The following CACNB2 variants were observed in gnomAD, a reference collection of about 807,000 sequenced individuals.
The protein encoded by CACNB2 is calcium voltage-gated channel auxiliary subunit beta 2.
Under a neutral mutation model 73.3 loss-of-function variants are expected in CACNB2, and 42 were observed. That is an observed-to-expected ratio of 0.57 (90% confidence interval 0.45 to 0.74). The LOEUF (loss-of-function observed/expected upper bound fraction) is 0.74. Among genes scored for constraint, CACNB2 ranks in the 30% least tolerant of loss-of-function variants. The pLI is 0.00. For synonymous variants in CACNB2, 348 were observed against 310.3 expected (o/e 1.12, Z -1.28); for missense variants, 940 against 853.0 (o/e 1.10, Z -1.27).
Position 18,539,884 on chromosome 10 carries a change from G to GAGTATTGA in CACNB2, c.*161_*168dup. On this transcript the variant is annotated 3_prime_UTR_variant, in exon 14 of 14. Transcript: ENST00000324631. ...TGCTTGAATAGCAATAGCATGGATA[G>GAGTATTGA]AGTATTGAGATACTTTTTCTTTTGT... is the stretch of plus-strand genomic sequence containing the variant. 2 of 776,752 alleles carry GAGTATTGA rather than the reference G, an allele frequency of 2.6e-6. No individual in the cohort carries two copies. Among genetic ancestry groups the GAGTATTGA allele is most frequent in the East Asian group, 5.4e-5 (2 of 36,776 alleles). 48.1% of individuals were successfully genotyped at this position (776,752 alleles called of 1,614,324 possible).
chr10:18,247,815 ACC>A (rs2036927666), intron 2 of CACNB2, among the ~76,000 whole-genome samples: 1 of 152,088 alleles, frequency 6.6e-6, no homozygotes, highest in Admixed American at 6.5e-5. Flanking sequence ...TGTGAGGACC[ACC>A]TTTTCTGGGG....
Position 18,191,088 on chromosome 10 carries a change from A to G in CACNB2, c.213+40113A>G, listed in dbSNP as rs182542693. On this transcript the variant is annotated intron_variant, in intron 2 of 13. Transcript: ENST00000324631. ...GATGACGTCAGGAACTGGGAGAGTG[A>G]AAATGGAGGAGAAGGAAAATAAATG... 3.9e-5 allele frequency among the ~76,000 whole-genome samples: 6 copies of G among 152,352 alleles called. No homozygotes were observed. In the East Asian group the frequency reaches 7.7e-4, roughly 20 times the overall value.
At chr10:18,249,343 A>G (rs554042605) in intron 2 of CACNB2, among the ~76,000 whole-genome samples, 145 of 152,196 alleles carry the variant, frequency 9.5e-4, no homozygotes, top group Non-Finnish European at 1.8e-3. Context: ...TCTCTGTTGA[A>G]GTGTCTTTTG....
At chr10:18,181,204 C>A (rs371166725) in intron 2 of CACNB2, among the ~76,000 whole-genome samples, 1 of 152,110 alleles carries the variant, frequency 6.6e-6, no homozygotes, top group Non-Finnish European at 1.5e-5. Flanking sequence ...TACATGCAAG[C>A]ACTGGAATGA....
At chr10:18,345,173 T>A (rs1006018552) in intron 2 of CACNB2, among the ~76,000 whole-genome samples, 5 of 152,254 alleles carry the variant, frequency 3.3e-5, no homozygotes, top group African/African-American at 1.2e-4. Flanking sequence ...TTATTTGAGA[T>A]AAATTATCAG....
intron 3 of CACNB2, among the ~76,000 whole-genome samples, chr10:18,474,671 C>T (rs75254867): frequency 0.011 from 1,610 of 152,202 alleles, 9 homozygotes; most frequent in Admixed American, 0.014. Flanking sequence ...TGTTGGCTTC[C>T]TTAGCTCCGT....
chr10:18,462,566 T>G (rs898491795), intron 3 of CACNB2, among the ~76,000 whole-genome samples: 54 of 152,306 alleles, frequency 3.5e-4, no homozygotes, highest in African/African-American at 1.1e-3. Flanking sequence ...AGGAACTATT[T>G]ATTAAGCAAA....
At chr10:18,340,437 T>G (rs745669585) in intron 2 of CACNB2, among the ~76,000 whole-genome samples, 77 of 152,156 alleles carry the variant, frequency 5.1e-4, no homozygotes, top group Non-Finnish European at 8.8e-5. Context: ...TATTTTTACT[T>G]TTATTGCAGA....
At chr10:18,315,281 C>T (rs900535851) in intron 2 of CACNB2, among the ~76,000 whole-genome samples, 4 of 151,716 alleles carry the variant, frequency 2.6e-5, no homozygotes, top group African/African-American at 9.7e-5. Flanking sequence ...TTGCAGTGAG[C>T]CAAGATCACA....
At chr10:18,489,057 T>A (rs1202079145) in intron 3 of CACNB2, among the ~76,000 whole-genome samples, 1 of 151,962 alleles carries the variant, frequency 6.6e-6, no homozygotes, top group Non-Finnish European at 1.5e-5. Context: ...CTCACACTTA[T>A]AATCCCAGCA....
intron 2 of CACNB2, among the ~76,000 whole-genome samples, chr10:18,157,700 C>T (rs552256516): frequency 3.9e-5 from 6 of 152,240 alleles, no homozygotes; most frequent in Admixed American, 2.0e-4. Flanking sequence ...GTGATTGACT[C>T]CAGATTCTTG....
intron 3 of CACNB2, among the ~76,000 whole-genome samples, chr10:18,482,438 C>T (rs569944127): frequency 3.2e-4 from 48 of 152,258 alleles, no homozygotes; most frequent in African/African-American, 9.9e-4. Flanking sequence ...GAAGAACCTA[C>T]GGAAGTTATA....
At chr10:18,295,240 A>C (rs1013899029) in intron 2 of CACNB2, among the ~76,000 whole-genome samples, 5 of 152,352 alleles carry the variant, frequency 3.3e-5, no homozygotes, top group African/African-American at 1.2e-4. Flanking sequence ...GCACAATTCC[A>C]AACTTTATTA....
chr10:18,262,194 A>C (rs1352576705), intron 2 of CACNB2, among the ~76,000 whole-genome samples: 1 of 152,146 alleles, frequency 6.6e-6, no homozygotes, highest in Non-Finnish European at 1.5e-5. Flanking sequence ...AAAGTATTGA[A>C]GGTAAAGAAA....
chr10:18,315,499 T>TTAAAA (rs2040134197), intron 2 of CACNB2, among the ~76,000 whole-genome samples: 1 of 39,512 alleles, frequency 2.5e-5, no homozygotes, highest in African/African-American at 9.9e-5. Flanking sequence ...TGTCTCTATT[T>TTAAAA]AAAAAAAAAA....
At chr10:18,233,933 G>A (rs2036323745) in intron 2 of CACNB2, among the ~76,000 whole-genome samples, 1 of 152,214 alleles carries the variant, frequency 6.6e-6, no homozygotes, top group Non-Finnish European at 1.5e-5. Context: ...CAAATCTCCA[G>A]TATGTTCCTG....
At chr10:18,320,931 A>G (rs2040376716) in intron 2 of CACNB2, among the ~76,000 whole-genome samples, 1 of 152,224 alleles carries the variant, frequency 6.6e-6, no homozygotes, top group South Asian at 2.1e-4. Flanking sequence ...TAATTGTCTT[A>G]CTTAACTAAC....
chr10:18,315,518 A>C (rs1239020058), intron 2 of CACNB2, among the ~76,000 whole-genome samples: 30 of 129,374 alleles, frequency 2.3e-4, no homozygotes, highest in Non-Finnish European at 2.8e-4. Flanking sequence ...AAAAAAAAAA[A>C]AAAAAAAAAA....
chr10:18,228,156 C>A (rs1285812266), intron 2 of CACNB2, among the ~76,000 whole-genome samples: 3 of 152,056 alleles, frequency 2.0e-5, no homozygotes, highest in Admixed American at 2.0e-4. Context: ...GACGCGGTGA[C>A]TCACGCCTTG....
Sources: allele counts gnomAD v4.1 joint callset (sites outside exome capture counted in the v4.1 genomes callset), GRCh38; gene constraint gnomAD v4.1.1; transcripts MANE v1.5; gene names NCBI Gene and HGNC (gene_info 2026-07-23, HGNC 2026-07-21).